Variants in MSRA observed in about 807,000 individuals in gnomAD.
MSRA encodes methionine sulfoxide reductase A.
In MSRA, 54 loss-of-function variants were observed where a neutral mutation model predicts 31.3. That is an observed-to-expected ratio of 1.73 (90% CI 1.39 to 2.17). The LOEUF (loss-of-function observed/expected upper bound fraction) is 2.17. Among genes scored for constraint, MSRA ranks in the 30% most tolerant of loss-of-function variants. The pLI is 0.00. For synonymous variants in MSRA, 169 were observed against 116.5 expected, an observed-to-expected ratio of 1.45 and a Z score of -2.90; for missense variants, 507 against 300.9, an observed-to-expected ratio of 1.69 and a Z score of -5.07.
At chr8:10,251,573 T>G (rs1269112908) in intron 3 of MSRA, among the ~76,000 whole-genome samples, 1 of 152,090 alleles carries the variant, frequency 6.6e-6, no homozygotes, top group Non-Finnish European at 1.5e-5. Flanking sequence ...GCAGGCAGGA[T>G]AAAAACGCTT....
At chr8:10,150,626 A>T (rs1803583877) in intron 1 of MSRA, among the ~76,000 whole-genome samples, 1 of 152,176 alleles carries the variant, frequency 6.6e-6, no homozygotes, top group Non-Finnish European at 1.5e-5. Context: ...CTCACATAGC[A>T]ATTATGGCCT....
intron 1 of MSRA, among the ~76,000 whole-genome samples, chr8:10,176,178 A>G (rs1259275359): frequency 6.6e-6 from 1 of 152,198 alleles, no homozygotes; most frequent in Non-Finnish European, 1.5e-5. Context: ...TCTTTGCCAT[A>G]TGTTAAAATG....
chr8:10,080,238 C>G (rs1407134419), intron 1 of MSRA, among the ~76,000 whole-genome samples: 1 of 152,162 alleles, frequency 6.6e-6, no homozygotes, highest in East Asian at 1.9e-4. Flanking sequence ...GAATCCATAT[C>G]CCTGCCTAGG....
intron 4 of MSRA, among the ~76,000 whole-genome samples, chr8:10,305,392 C>T (rs1187613689): frequency 1.3e-5 from 2 of 149,098 alleles, no homozygotes; most frequent in African/African-American, 2.5e-5. Context: ...TAGATGAAGT[C>T]CCCATGTGTT....
chr8:10,095,531 G>T, intron 1 of MSRA: 2 of 985,578 alleles, frequency 2.0e-6, no homozygotes, highest in South Asian at 9.4e-5. Flanking sequence ...TGCTCGGAAG[G>T]TTGCCATACT....
At chr8:10,314,408 C>T (rs868218039) in intron 4 of MSRA, among the ~76,000 whole-genome samples, 2 of 151,642 alleles carry the variant, frequency 1.3e-5, no homozygotes, top group Non-Finnish European at 2.9e-5. Context: ...TGATAATTAA[C>T]GTTATTAATC....
intron 1 of MSRA, among the ~76,000 whole-genome samples, chr8:10,070,809 C>G (rs1044814431): frequency 3.9e-5 from 6 of 152,276 alleles, no homozygotes; most frequent in Non-Finnish European, 8.8e-5. Flanking sequence ...TGAGATTCAC[C>G]CCAGTTGGTT....
chr8:10,308,612 T>G (rs1801268799), intron 4 of MSRA, among the ~76,000 whole-genome samples: 3 of 152,256 alleles, frequency 2.0e-5, no homozygotes, highest in African/African-American at 7.2e-5. Flanking sequence ...CAGTGTGGCC[T>G]GGGATTACCT....
At chr8:10,335,794 T>C (rs1254850652) in intron 5 of MSRA, among the ~76,000 whole-genome samples, 1 of 152,156 alleles carries the variant, frequency 6.6e-6, no homozygotes, top group Non-Finnish European at 1.5e-5. Flanking sequence ...GTCAGCAGAT[T>C]TGGGAGTGCA....
At chr8:10,128,031 C>T (rs150773405) in intron 1 of MSRA, among the ~76,000 whole-genome samples, 13 of 152,102 alleles carry the variant, frequency 8.5e-5, no homozygotes, top group Admixed American at 6.6e-4. Context: ...AGGAGAACTG[C>T]GGATCTTGTG....
At chr8:10,396,407 A>G (rs1018561010) in intron 5 of MSRA, among the ~76,000 whole-genome samples, 10 of 152,212 alleles carry the variant, frequency 6.6e-5, no homozygotes, top group African/African-American at 1.4e-4. Context: ...ATAAAAGTCT[A>G]TATCATCAAA....
chr8:10,362,073 C>T (rs1449271253), intron 5 of MSRA, among the ~76,000 whole-genome samples: 1 of 152,184 alleles, frequency 6.6e-6, no homozygotes, highest in Non-Finnish European at 1.5e-5. Flanking sequence ...CCCGGGTTCC[C>T]ATTCCAACTT....
intron 1 of MSRA, among the ~76,000 whole-genome samples, chr8:10,138,033 TA>T (rs1802419138): frequency 6.6e-6 from 1 of 152,144 alleles, no homozygotes; most frequent in Non-Finnish European, 1.5e-5. Context: ...GAATGTGACT[TA>T]GTTTAGTGCT....
intron 2 of MSRA, among the ~76,000 whole-genome samples, chr8:10,218,122 T>C (rs1426733305): frequency 1.7e-4 from 14 of 82,530 alleles, no homozygotes; most frequent in African/African-American, 6.2e-4. Flanking sequence ...TTCTATTTAT[T>C]TATTTATTTA....
At chr8:10,101,401 C>T (rs1210357518) in intron 1 of MSRA, among the ~76,000 whole-genome samples, 5 of 151,650 alleles carry the variant, frequency 3.3e-5, no homozygotes, top group South Asian at 2.1e-4. Flanking sequence ...CATATTTTAC[C>T]GTCTTAACCA....
intron 3 of MSRA, chr8:10,250,599 G>A (rs186934267): frequency 6.2e-5 from 39 of 633,742 alleles, no homozygotes; most frequent in African/African-American, 1.1e-4. Flanking sequence ...AGAATACTCC[G>A]GTGGATTTTC....
intron 5 of MSRA, among the ~76,000 whole-genome samples, chr8:10,367,601 C>A (rs112774362): frequency 6.6e-6 from 1 of 152,198 alleles, no homozygotes; most frequent in South Asian, 2.1e-4. Context: ...AGCAATGGCC[C>A]TGTGAAGTGA....
intron 1 of MSRA, among the ~76,000 whole-genome samples, chr8:10,144,211 G>C (rs1440099837): frequency 6.6e-6 from 1 of 152,200 alleles, no homozygotes; most frequent in Non-Finnish European, 1.5e-5. Flanking sequence ...CATATCGCTA[G>C]TCGTAGTGTG....
At position 10,211,333 on chromosome 8, in the gene MSRA, T is replaced by C. The variant is rs1428335689; in HGVS notation, c.211+3432T>C. 2.0e-5 allele frequency among the ~76,000 whole-genome samples: 3 copies of C among 152,168 alleles called. No homozygotes were observed. In the East Asian group the frequency reaches 5.8e-4, roughly 29 times the overall value. On this transcript the variant is annotated intron_variant, in intron 2 of 5. Coordinates refer to ENST00000317173, the MANE Select transcript of MSRA (RefSeq NM_012331.5). The stretch of plus-strand genomic sequence containing the variant: ...TCTTATGTAGCCCAACAGTTAGTTT[T>C]TCTCCTGGTCTCCTTTTCTCTCTGG...
Sources: allele counts gnomAD v4.1 joint callset (sites outside exome capture counted in the v4.1 genomes callset), GRCh38; gene constraint gnomAD v4.1.1; transcripts MANE v1.5; gene names NCBI Gene and HGNC (gene_info 2026-07-23, HGNC 2026-07-21).